The following USP46 variants were observed in gnomAD, a reference collection of about 807,000 sequenced individuals.
The protein encoded by USP46 is ubiquitin specific peptidase 46, also known as ubiquitin carboxyl-terminal hydrolase 46.
Under a neutral mutation model 44.4 loss-of-function variants are expected in USP46, and 12 were observed. The observed-to-expected ratio is 0.27, with a 90% confidence interval of 0.17 to 0.44. The LOEUF (loss-of-function observed/expected upper bound fraction) is 0.44, where lower values mean the gene tolerates loss of function less well. USP46 is among the 20% of genes least tolerant of loss of function. The probability of loss-of-function intolerance (pLI) is 1.00; values close to 1 mark genes in which losing one functional copy is unlikely to be tolerated. For synonymous variants in USP46, 155 were observed against 161.5 expected, an observed-to-expected ratio of 0.96 and a Z score of 0.31; for missense variants, 248 against 444.8, an observed-to-expected ratio of 0.56 and a Z score of 3.98.
At chr4:52,630,980 G>T in intron 2 of USP46, 84 bp downstream of exon 2, 4 of 1,084,936 alleles carry the variant, frequency 3.7e-6, no homozygotes, top group South Asian at 1.4e-5. Context: ...TTTAAAAATT[G>T]GTAGTGATAA....
Position 52,659,230 on chromosome 4 carries a change from G to C in USP46, c.-80C>G. 6.9e-7 allele frequency: 1 copy of C among 1,449,140 alleles called. No individual in the cohort carries two copies. Among genetic ancestry groups the C allele is most frequent in the Non-Finnish European group, 9.2e-7 (1 of 1,092,546 alleles). The allele number at this position is 1,449,140 out of a possible 1,614,324, so 89.8% of individuals were successfully genotyped here. A position where few individuals can be genotyped will look rare whatever the true frequency, so the allele number is the denominator to read the frequency against. On this transcript the variant is annotated 5_prime_UTR_variant, in exon 1 of 9. Transcript: ENST00000441222. This position sits in a 1 kb window ranked among gnomAD's most constrained non-coding sequence, Gnocchi z 4.2. ...ACTGCCCATGGTGGCGCGCTGGCGG[G>C]GAGGCCGGGCGGCAGCGCGGCGGCC... is the stretch of plus-strand genomic sequence containing the variant.
In USP46 at chr4:52,605,466, T is replaced by C. The variant is rs1274807706; in HGVS notation, c.639-882A>G. Among the ~76,000 whole-genome samples, 7 of 152,254 alleles carry C rather than the reference T, an allele frequency of 4.6e-5. 1 individual carries two copies. Among genetic ancestry groups the C allele is most frequent in the Non-Finnish European group, 1.0e-4 (7 of 68,046 alleles). On this transcript the variant is annotated intron_variant, in intron 5 of 8. Coordinates refer to ENST00000441222, the MANE Select transcript of USP46 (RefSeq NM_022832.4). ...TTTGAAAAATTCTGGGGCATTTCCT[T>C]GTTCAGTGTCCTAGTACCATAATGA... is the stretch of plus-strand genomic sequence containing the variant.
In USP46 at chr4:52,609,898, CTTTTTTTTTTTTTTTTTTTTTTTT is replaced by C. The variant is rs66817554; in HGVS notation, c.638+619_638+642del. On this transcript the variant is annotated intron_variant, in intron 5 of 8. Coordinates refer to ENST00000441222, the MANE Select transcript of USP46 (RefSeq NM_022832.4). Reference sequence around the variant, plus strand: ...GGAAACCTAAACCTCAATTCTATTTCTTTTTTTTTTTTTTTTTTTTTTTTTTTTTTTTTTTTTTTTTTTTTGAGG... The same window carrying C: ...GGAAACCTAAACCTCAATTCTATTTCTTTTTTTTTTTTTTTTTTTTTGAGG... Among the ~76,000 whole-genome samples the C allele has an allele frequency of 6.1e-3, 150 of 24,582 alleles. 1 individual carries two copies. The East Asian group carries it at 0.11, about 17-fold the overall frequency. 16.1% of individuals were successfully genotyped at this position (24,582 alleles called of 152,430 possible).
intron 1 of USP46, among the ~76,000 whole-genome samples, chr4:52,633,745 T>C (rs1200125731): frequency 2.6e-5 from 4 of 152,178 alleles, no homozygotes; most frequent in Non-Finnish European, 4.4e-5. Context: ...CTTAATATTT[T>C]CCCATTTTGG....
chr4:52,633,002 G>GA lies in USP46; in HGVS notation c.37-1859dup, dbSNP rs1553891333. ...AAAGAAAGAAAAGAAAAGAAAGAAA[G>GA]AAAGAAAGAAAGAAAGAAAGAAAGA... On this transcript the variant is annotated intron_variant, in intron 1 of 8. Transcript: ENST00000441222. Among the ~76,000 whole-genome samples the GA allele has an allele frequency of 1.0e-3, 122 of 117,004 alleles. 3 individuals carry two copies. Among genetic ancestry groups the GA allele is most frequent in the African/African-American group, 3.8e-3 (101 of 26,416 alleles). 76.8% of individuals were successfully genotyped at this position (117,004 alleles called of 152,430 possible).
In USP46 at chr4:52,597,401, G is replaced by A. The variant is rs115010433; in HGVS notation, c.*239C>T. On this transcript the variant is annotated 3_prime_UTR_variant, in exon 9 of 9. Transcript: ENST00000441222. ...TCACCCAGTCCTAAAATTAGCAACC[G>A]TTATTCATATAAATCAGACTACAAT... The A allele has an allele frequency of 1.2e-3, 523 of 418,522 alleles. 3 individuals are homozygous for A. Among genetic ancestry groups the A allele is most frequent in the African/African-American group, 0.01 (496 of 47,956 alleles). 25.9% of individuals were successfully genotyped at this position (418,522 alleles called of 1,614,324 possible).
intron 4 of USP46, among the ~76,000 whole-genome samples, chr4:52,611,135 AC>A (rs1389868201): frequency 3.3e-5 from 5 of 152,166 alleles, no homozygotes; most frequent in African/African-American, 1.2e-4. Context: ...GGAGAATCGC[AC>A]TGACCACACA....
chr4:52,629,901 C>T (rs1717748969), intron 2 of USP46, among the ~76,000 whole-genome samples: 1 of 152,146 alleles, frequency 6.6e-6, no homozygotes, highest in African/African-American at 2.4e-5. Context: ...AGGCAGAATT[C>T]AAACCGAGGT....
intron 1 of USP46, among the ~76,000 whole-genome samples, chr4:52,646,695 G>GA: frequency 6.6e-6 from 1 of 152,026 alleles, no homozygotes; most frequent in Non-Finnish European, 1.5e-5. Flanking sequence ...CAATAAAACT[G>GA]GTCCTTCCCT....
chr4:52,614,218 T>C (rs988922178), intron 4 of USP46, among the ~76,000 whole-genome samples: 2 of 152,106 alleles, frequency 1.3e-5, no homozygotes, highest in African/African-American at 4.8e-5. Flanking sequence ...ATCAGAGTCC[T>C]AGAAGGGGAG....
chr4:52,650,418 A>G (rs932645314), intron 1 of USP46, among the ~76,000 whole-genome samples: 1 of 152,272 alleles, frequency 6.6e-6, no homozygotes, highest in Admixed American at 6.5e-5. Context: ...AAAGTAAAGT[A>G]TAAGACATGT....
intron 1 of USP46, chr4:52,655,280 G>A (rs936936382): frequency 2.0e-5 from 3 of 152,166 alleles, no homozygotes; most frequent in Non-Finnish European, 4.4e-5. Context: ...GAGCCCCTTG[G>A]GGACAGGGAC....
Position 52,597,687 on chromosome 4 carries a change from T to G in USP46, c.1054A>C (p.Lys352Gln). ...EFYGLTSDIS[K>Q]NSESGYILFY... is the part of the protein sequence containing the mutation. ...AAAATATATCCAGATTCTGAATTTTTTGATATATCTGACGTCAGGCCATAG... is the reference window on the plus strand; with the variant it reads ...AAAATATATCCAGATTCTGAATTTTGTGATATATCTGACGTCAGGCCATAG... Residue 352 changes from lysine to glutamine, a missense_variant, in exon 9 of 9, where the codon AAA becomes CAA. This residue lies in a region of USP46 where 28 missense variants were observed against 28.5 expected (regional missense o/e 0.98). Coordinates refer to ENST00000441222, the MANE Select transcript of USP46 (RefSeq NM_022832.4). 1.2e-6 allele frequency: 2 copies of G among 1,603,080 alleles called. No individual in the cohort carries two copies. Among genetic ancestry groups the G allele is most frequent in the Non-Finnish European group, 8.5e-7 (1 of 1,174,330 alleles).
chr4:52,631,249 C>CAAAT, intron 1 of USP46, 105 bp from the exon 2 acceptor site: 1 of 836,102 alleles, frequency 1.2e-6, no homozygotes, highest in Non-Finnish European at 1.9e-6. Flanking sequence ...CCCTGGTCAA[C>CAAAT]ACGGTATTTG....
chr4:52,619,309 A>G (rs1194097149), intron 4 of USP46, among the ~76,000 whole-genome samples: 2 of 152,100 alleles, frequency 1.3e-5, no homozygotes, highest in African/African-American at 2.4e-5. Flanking sequence ...GGAAAAAAAA[A>G]AAAAAGAAAA....
intron 4 of USP46, among the ~76,000 whole-genome samples, chr4:52,621,700 C>A (rs1355762331): frequency 6.6e-6 from 1 of 151,956 alleles, no homozygotes; most frequent in Non-Finnish European, 1.5e-5. Context: ...AACTAACTTA[C>A]CACCACTTTA....
At chr4:52,618,279 G>A (rs916626062) in intron 4 of USP46, among the ~76,000 whole-genome samples, 21 of 151,894 alleles carry the variant, frequency 1.4e-4, no homozygotes, top group African/African-American at 4.6e-4. Context: ...ATCTGAGGTC[G>A]GGATTTTAAG....
chr4:52,601,226 A>C (rs1489320781), intron 7 of USP46, among the ~76,000 whole-genome samples: 1 of 152,184 alleles, frequency 6.6e-6, no homozygotes, highest in African/African-American at 2.4e-5. Context: ...AGAATAACAA[A>C]CAGGTGAATT....
Position 52,605,432 on chromosome 4 carries a change from C to T in USP46, c.639-848G>A, listed in dbSNP as rs138528977. 1.8e-3 allele frequency among the ~76,000 whole-genome samples: 279 copies of T among 152,264 alleles called. 1 individual carries two copies. The highest frequency in any genetic ancestry group is 6.5e-3 in the African/African-American group (269 of 41,542). On this transcript the variant is annotated intron_variant, in intron 5 of 8. Coordinates refer to ENST00000441222, the MANE Select transcript of USP46 (RefSeq NM_022832.4). ...GCTGAAAAGAACATCTGGACTAATA[C>T]CCTATAGTTTTGAAAAATTCTGGGG...
Sources: allele counts gnomAD v4.1 joint callset (sites outside exome capture counted in the v4.1 genomes callset), GRCh38; gene constraint gnomAD v4.1.1; regional missense constraint gnomAD v4.1.1; non-coding constraint Gnocchi (gnomAD v3.1); transcripts MANE v1.5; gene names NCBI Gene and HGNC (gene_info 2026-07-23, HGNC 2026-07-21).